Variants in CDH2 observed in about 807,000 individuals in gnomAD.
The protein encoded by CDH2 is cadherin 2, also known as cadherin-2.
CDH2 carries 17 observed loss-of-function variants against 92.0 expected under a neutral mutation model. That is an observed-to-expected ratio of 0.18 (90% CI 0.13 to 0.28). CDH2 has a LOEUF of 0.28. CDH2 is among the 10% of genes least tolerant of loss of function. The probability of loss-of-function intolerance (pLI) is 1.00; values close to 1 mark genes in which losing one functional copy is unlikely to be tolerated. For synonymous variants in CDH2, 419 were observed against 415.9 expected, an observed-to-expected ratio of 1.01 and a Z score of -0.09; for missense variants, 862 against 1,133.1, an observed-to-expected ratio of 0.76 and a Z score of 3.44.
At chr18:28,114,082 T>C (rs991107188) in intron 2 of CDH2, among the ~76,000 whole-genome samples, 2 of 151,762 alleles carry the variant, frequency 1.3e-5, no homozygotes, top group Admixed American at 1.3e-4. Flanking sequence ...TAGAGAGAGA[T>C]TTGTTAAAGG....
chr18:27,944,430 A>G (rs1226381840), intron 6 of CDH2, among the ~76,000 whole-genome samples: 1 of 152,118 alleles, frequency 6.6e-6, no homozygotes, highest in African/African-American at 2.4e-5. Flanking sequence ...ACTTTTTTGA[A>G]TTACTCGAGG....
intron 2 of CDH2, among the ~76,000 whole-genome samples, chr18:28,100,674 T>C (rs2015212937): frequency 6.6e-6 from 1 of 151,696 alleles, no homozygotes; most frequent in Admixed American, 6.5e-5. Flanking sequence ...GTCTTCAGTC[T>C]AGCTTCGCAG....
At chr18:28,118,714 T>C (rs567696488) in intron 2 of CDH2, among the ~76,000 whole-genome samples, 11 of 152,052 alleles carry the variant, frequency 7.2e-5, no homozygotes, top group African/African-American at 1.9e-4. Flanking sequence ...AAGGAAGACT[T>C]AGGCCGTATA....
intron 2 of CDH2, among the ~76,000 whole-genome samples, chr18:28,136,156 T>C (rs541860386): frequency 5.3e-5 from 8 of 152,312 alleles, no homozygotes; most frequent in South Asian, 4.1e-4. Context: ...CCCTGACTTA[T>C]AGGGTTTCAA....
chr18:28,175,952 T>C (rs2016533509), intron 1 of CDH2, among the ~76,000 whole-genome samples: 1 of 152,082 alleles, frequency 6.6e-6, no homozygotes, highest in African/African-American at 2.4e-5. Flanking sequence ...CTGTGTGAAG[T>C]GGCCTCCAGG....
chr18:28,037,086 A>G (rs1567974251), intron 2 of CDH2, among the ~76,000 whole-genome samples: 2 of 152,204 alleles, frequency 1.3e-5, no homozygotes, highest in Non-Finnish European at 2.9e-5. Flanking sequence ...TGCTTACAAC[A>G]TAATTAAGAT....
At chr18:28,056,609 T>G (rs1219628143) in intron 2 of CDH2, among the ~76,000 whole-genome samples, 1 of 152,186 alleles carries the variant, frequency 6.6e-6, no homozygotes, top group Non-Finnish European at 1.5e-5. Context: ...CGACTATTAT[T>G]TCACAGTGAC....
intron 6 of CDH2, among the ~76,000 whole-genome samples, chr18:27,944,016 G>A (rs1331080821): frequency 6.6e-6 from 1 of 152,058 alleles, no homozygotes; most frequent in Non-Finnish European, 1.5e-5. Flanking sequence ...GATAAAACAG[G>A]AGAAAATGAA....
chr18:28,160,053 A>G (rs1476577055), intron 1 of CDH2, among the ~76,000 whole-genome samples: 1 of 152,100 alleles, frequency 6.6e-6, no homozygotes, highest in Non-Finnish European at 1.5e-5. Flanking sequence ...CAAAAGGCTT[A>G]AATTTCTAAA....
At chr18:28,016,147 G>A (rs1214604188) in intron 2 of CDH2, among the ~76,000 whole-genome samples, 1 of 152,100 alleles carries the variant, frequency 6.6e-6, no homozygotes, top group Non-Finnish European at 1.5e-5. Flanking sequence ...TGTATTTCCT[G>A]TCCACTGAAA....
chr18:28,176,319 C>T (rs1330558634), intron 1 of CDH2, among the ~76,000 whole-genome samples: 1 of 152,128 alleles, frequency 6.6e-6, no homozygotes, highest in Non-Finnish European at 1.5e-5. Context: ...AGGCGCTGAC[C>T]GGCAGAGACT....
chr18:28,162,935 A>G (rs562607594), intron 1 of CDH2, among the ~76,000 whole-genome samples: 1 of 152,332 alleles, frequency 6.6e-6, no homozygotes, highest in African/African-American at 2.4e-5. Flanking sequence ...CACTCAGTAA[A>G]TATTAATCCC....
Position 27,985,090 on chromosome 18 carries a change from C to T in CDH2, c.2119G>A (p.Gly707Arg), listed in dbSNP as rs200558954. Residue 707 changes from glycine (G) to arginine (R), a missense_variant, in exon 13 of 16, where the codon GGG (glycine) becomes AGG (arginine). Around this residue, in one of 5 missense-constraint regions of CDH2, gnomAD observed 564 missense variants for 722.2 expected, o/e 0.78. Transcript: ENST00000269141. Reference sequence around the variant, plus strand: ...ATCCTGTCCACATCTGTGCAGTCCCCGTTGGAGTCACACTGGCAAACCTTC... The same window carrying T: ...ATCCTGTCCACATCTGTGCAGTCCCTGTTGGAGTCACACTGGCAAACCTTC... ...RVKVCQCDSNGDCTDVDRIVG... is the reference protein window; with the variant it reads ...RVKVCQCDSNRDCTDVDRIVG... 3.3e-5 allele frequency: 53 copies of T among 1,613,996 alleles called. No homozygotes were observed. The highest frequency in any genetic ancestry group is 5.3e-5 in the African/African-American group (4 of 74,916).
downstream of CDH2, among the ~76,000 whole-genome samples, chr18:27,950,362 AG>A (rs1395402944): frequency 6.6e-6 from 1 of 152,172 alleles, no homozygotes; most frequent in Non-Finnish European, 1.5e-5. Context: ...AATGAATCAT[AG>A]TAAGATACAT....
rs138509884 is a variant in CDH2, at chr18:28,071,965, A to G, written c.173-58056T>C. 1.8e-3 allele frequency among the ~76,000 whole-genome samples: 268 copies of G among 152,302 alleles called. 1 individual carries two copies. Among genetic ancestry groups the G allele is most frequent in the African/African-American group, 6.2e-3 (256 of 41,564 alleles). The stretch of plus-strand genomic sequence containing the variant: ...TAGGAACTCAAGTTACAATAGAGAT[A>G]ATGACATTGCTCTTGATAAGGTCAC... On this transcript the variant is annotated intron_variant, in intron 2 of 15. Transcript: ENST00000269141.
At chr18:27,983,582 TA>T (rs2012130139) in intron 13 of CDH2, among the ~76,000 whole-genome samples, 1 of 152,226 alleles carries the variant, frequency 6.6e-6, no homozygotes, top group Non-Finnish European at 1.5e-5. Flanking sequence ...AAATTGGAAC[TA>T]AGTCAGGAAT....
At chr18:28,098,238 ATAACT>A (rs1206639890) in intron 2 of CDH2, among the ~76,000 whole-genome samples, 4 of 152,190 alleles carry the variant, frequency 2.6e-5, no homozygotes, top group Admixed American at 6.5e-5. Context: ...ATCAGGAAAA[ATAACT>A]TAAAATATAT....
intron 2 of CDH2, among the ~76,000 whole-genome samples, chr18:28,033,257 A>C (rs1034999128): frequency 2.6e-5 from 4 of 152,134 alleles, no homozygotes; most frequent in Non-Finnish European, 5.9e-5. Context: ...GTCAATGATT[A>C]GTATTTGGGA....
intron 2 of CDH2, among the ~76,000 whole-genome samples, chr18:28,114,805 A>AC (rs962026987): frequency 1.3e-5 from 2 of 152,094 alleles, no homozygotes; most frequent in African/African-American, 4.8e-5. Context: ...TAGGCACACT[A>AC]CAACCTTAGA....
Sources: gnomAD v4.1 joint callset for allele counts (sites outside exome capture counted in the v4.1 genomes callset) on GRCh38, gnomAD v4.1.1 for gene constraint, gnomAD v4.1.1 regional missense constraint, MANE v1.5 for transcripts, NCBI Gene and HGNC (gene_info 2026-07-23, HGNC 2026-07-21) for gene names.